The following MOK variants were observed in gnomAD, a reference collection of about 807,000 sequenced individuals.
The protein encoded by MOK is MOK protein kinase.
MOK carries 59 observed loss-of-function variants against 54.2 expected under a neutral mutation model. The observed-to-expected ratio is 1.09, with a 90% CI of 0.88 to 1.35. The LOEUF (loss-of-function observed/expected upper bound fraction) is 1.35, where lower values mean the gene tolerates loss of function less well. Among genes scored for constraint, MOK ranks in the 40% most tolerant of loss-of-function variants. MOK has a pLI of 0.00. For synonymous variants in MOK, 210 were observed against 202.7 expected, an observed-to-expected ratio of 1.04 and a Z score of -0.31; for missense variants, 517 against 526.2, an observed-to-expected ratio of 0.98 and a Z score of 0.17.
intron 1 of MOK, among the ~76,000 whole-genome samples, chr14:102,292,499 CA>C (rs1217679143): frequency 6.6e-6 from 1 of 151,718 alleles, no homozygotes; most frequent in East Asian, 1.9e-4. Context: ...CAAAACAAAA[CA>C]AAAAAACAAC....
chr14:102,226,534 C>T, downstream of MOK: 1 of 684,492 alleles, frequency 1.5e-6, no homozygotes, highest in Non-Finnish European at 2.7e-6. This position sits in a 1 kb window ranked among gnomAD's most constrained non-coding sequence, Gnocchi z 4.8. Context: ...GGCAGCAGGG[C>T]AAGGTGGCCT....
intron 1 of MOK, among the ~76,000 whole-genome samples, chr14:102,293,578 A>G (rs1016697116): frequency 1.3e-5 from 2 of 151,726 alleles, no homozygotes; most frequent in Admixed American, 6.6e-5. Context: ...CATGCCTGTA[A>G]TCCCAGCTAC....
intron 1 of MOK, among the ~76,000 whole-genome samples, chr14:102,295,987 T>C (rs2071376717): frequency 1.3e-5 from 2 of 152,170 alleles, no homozygotes; most frequent in South Asian, 4.1e-4. Context: ...GGCTCATGCC[T>C]GTAATCCCAG....
chr14:102,293,543 A>T (rs560750959), intron 1 of MOK, among the ~76,000 whole-genome samples: 21 of 151,876 alleles, frequency 1.4e-4, no homozygotes, highest in African/African-American at 4.8e-4. Context: ...TACTAAAAAT[A>T]CAAAATTAGC....
chr14:102,277,013 CTT>C (rs550427492), intron 2 of MOK, among the ~76,000 whole-genome samples: 6 of 99,944 alleles, frequency 6.0e-5, no homozygotes, highest in East Asian at 2.9e-4. Flanking sequence ...ATGCCCTGGT[CTT>C]TTTTTTTTTT....
chr14:102,265,818 C>G lies in MOK; in HGVS notation c.212+5G>C, dbSNP rs774715062. ...GATAACTTTTCAAGCTCCAAATATA[C>G]TTACAAAACCACTTCATGCAACATA... On this transcript the variant is annotated splice_donor_5th_base_variant and intron_variant, in intron 3 of 11. Coordinates refer to ENST00000361847, the MANE Select transcript of MOK (RefSeq NM_014226.3). 4.3e-6 allele frequency: 7 copies of G among 1,610,398 alleles called. No homozygotes were observed. In the South Asian group the frequency reaches 6.6e-5, roughly 15 times the overall value.
chr14:102,227,237 G>A (rs974338123), downstream of MOK, among the ~76,000 whole-genome samples: 2 of 152,250 alleles, frequency 1.3e-5, no homozygotes, highest in South Asian at 2.1e-4. Context: ...CCGTTAACAT[G>A]CCTGACCCTG....
chr14:102,286,537 G>A (rs2070119912), intron 1 of MOK, among the ~76,000 whole-genome samples: 1 of 152,006 alleles, frequency 6.6e-6, no homozygotes, highest in Non-Finnish European at 1.5e-5. Flanking sequence ...CTTGAGCCCA[G>A]GAGTTTGAGG....
At chr14:102,250,494 G>A (rs1363537275) in intron 7 of MOK, among the ~76,000 whole-genome samples, 2 of 152,032 alleles carry the variant, frequency 1.3e-5, no homozygotes, top group Non-Finnish European at 2.9e-5. Context: ...TCTCAGGGGA[G>A]GTTTGGCTCA....
chr14:102,294,108 T>C (rs2071109695), intron 1 of MOK, among the ~76,000 whole-genome samples: 1 of 151,112 alleles, frequency 6.6e-6, no homozygotes, highest in Non-Finnish European at 1.5e-5. Flanking sequence ...GAGACCAGCC[T>C]GGGTAACATG....
At position 102,233,539 on chromosome 14, in the gene MOK, C is replaced by T. The variant is rs981958925; in HGVS notation, c.692+149G>A. On this transcript the variant is annotated intron_variant, in intron 8 of 11. Coordinates refer to ENST00000361847, the MANE Select transcript of MOK (RefSeq NM_014226.3). ...GTGATGGGCTCTGTCTGAGCAGCCA[C>T]TCACTGGCCCTCAAGTGAACTTGAA... 4 of 628,446 alleles carry T rather than the reference C, an allele frequency of 6.4e-6. No individual in the cohort carries two copies. The Admixed American group carries it at 1.1e-4, about 18-fold the overall frequency. The allele number at this position is 628,446 out of a possible 1,614,324, so 38.9% of individuals were successfully genotyped here.
chr14:102,228,257 T>C (rs1193337759), downstream of MOK, among the ~76,000 whole-genome samples: 1 of 152,186 alleles, frequency 6.6e-6, no homozygotes, highest in East Asian at 1.9e-4. Context: ...GACAACGTGG[T>C]CACCTTGAAG....
chr14:102,297,762 C>A (rs755353230), intron 1 of MOK, among the ~76,000 whole-genome samples: 95 of 152,160 alleles, frequency 6.2e-4, no homozygotes, highest in Admixed American at 6.2e-3. Flanking sequence ...GTGGGCTCAG[C>A]GGGCCCCGCA....
chr14:102,254,506 A>G (rs2153114893), intron 4 of MOK, among the ~76,000 whole-genome samples: 1 of 152,268 alleles, frequency 6.6e-6, no homozygotes, highest in East Asian at 1.9e-4. Context: ...AGCTGCTGGA[A>G]TTTCATCTCA....
chr14:102,231,869 G>T lies in MOK; in HGVS notation c.867-48C>A, dbSNP rs1158123212. 6 of 1,509,336 alleles carry T rather than the reference G, an allele frequency of 4.0e-6. No homozygotes were observed. The highest frequency in any genetic ancestry group is 1.7e-5 in the Admixed American group (1 of 58,862). The allele number at this position is 1,509,336 out of a possible 1,614,324, so 93.5% of individuals were successfully genotyped here. A position where few individuals can be genotyped will look rare whatever the true frequency, so the allele number is the denominator to read the frequency against. On this transcript the variant is annotated intron_variant, in intron 9 of 11. Coordinates refer to ENST00000361847, the MANE Select transcript of MOK (RefSeq NM_014226.3). This position sits in a 1 kb window ranked among gnomAD's most constrained non-coding sequence, Gnocchi z 4.4. ...GGAGCAGCTCCACTGAGAGCCCGCA[G>T]AGCACACGGCCTACTGGCTTCTTTG...
chr14:102,295,061 G>GT (rs1231277173), intron 1 of MOK, among the ~76,000 whole-genome samples: 12 of 152,188 alleles, frequency 7.9e-5, no homozygotes, highest in African/African-American at 2.9e-4. Flanking sequence ...AAGATCTGGC[G>GT]TATTTTCATA....
intron 2 of MOK, among the ~76,000 whole-genome samples, chr14:102,267,876 G>A (rs1373451071): frequency 2.0e-5 from 3 of 151,970 alleles, no homozygotes; most frequent in Admixed American, 6.6e-5. Flanking sequence ...AAGGGGGCTA[G>A]GCGAGACTCA....
chr14:102,304,900 C>G, intron 1 of MOK, 62 bp downstream of exon 1: 3 of 1,532,628 alleles, frequency 2.0e-6, no homozygotes, highest in Middle Eastern at 4.2e-4. Context: ...CAAGCTCCCC[C>G]AGTCCCTCCC....
chr14:102,270,222 A>C (rs1242467884), intron 2 of MOK, among the ~76,000 whole-genome samples: 1 of 152,234 alleles, frequency 6.6e-6, no homozygotes, highest in Non-Finnish European at 1.5e-5. Flanking sequence ...AACATATAGA[A>C]ATTTATGAGA....
Sources: gnomAD v4.1 joint callset for allele counts (sites outside exome capture counted in the v4.1 genomes callset) on GRCh38, gnomAD v4.1.1 for gene constraint, Gnocchi (gnomAD v3.1) non-coding constraint, MANE v1.5 for transcripts, NCBI Gene and HGNC (gene_info 2026-07-23, HGNC 2026-07-21) for gene names.